The following SMARCD2 variants were observed in gnomAD, a reference collection of about 807,000 sequenced individuals.
SMARCD2 encodes SWI/SNF related BAF chromatin remodeling complex subunit D2, also known as SWI/SNF-related matrix-associated actin-dependent regulator of chromatin subfamily D member 2.
In SMARCD2, 39 loss-of-function variants were observed where a neutral mutation model predicts 70.4. That is an observed-to-expected ratio of 0.55 (90% CI 0.43 to 0.72). The LOEUF is 0.72. Among genes scored for constraint, SMARCD2 ranks in the 30% least tolerant of loss-of-function variants. The pLI, the probability that SMARCD2 is intolerant of heterozygous loss-of-function variation, is 0.00. For missense variants in SMARCD2, 540 were observed against 713.4 expected (o/e 0.76, Z 2.77); for synonymous variants, 249 against 279.4 (o/e 0.89, Z 1.08).
rs1392442807 is a variant in SMARCD2, at chr17:63,833,332, T to C, written c.1406A>G (p.Gln469Arg). 6.2e-7 allele frequency: 1 copy of C among 1,613,880 alleles called. No individual in the cohort carries two copies. Among genetic ancestry groups the C allele is most frequent in the South Asian group, 1.1e-5 (1 of 91,076 alleles). ...SFSTDPQDFI[Q>R]EWLRSQRRDL... ...TCGGCGCTGGGAACGGAGCCATTCC[T>C]GGATGAAGTCCTGGGGGTCGGTGCT... The change falls in exon 11 of 13, where the codon CAG becomes CGG. Residue 469 changes from glutamine to arginine, a missense_variant. Transcript: ENST00000448276. The surrounding 1 kb of genome is among the most constrained non-coding windows in gnomAD (Gnocchi z 4.3).
chr17:63,840,995 G>C (rs185984132), intron 1 of SMARCD2, among the ~76,000 whole-genome samples: 1 of 152,374 alleles, frequency 6.6e-6, no homozygotes, highest in East Asian at 1.9e-4. Context: ...AAGGAAACTG[G>C]AGCGGCTTGT....
In SMARCD2 at chr17:63,832,840, C is replaced by T; in HGVS notation, c.*98G>A. The T allele has an allele frequency of 1.0e-6, 1 of 970,048 alleles. No individual in the cohort carries two copies. Among genetic ancestry groups the T allele is most frequent in the Non-Finnish European group, 1.6e-6 (1 of 619,234 alleles). 60.1% of individuals were successfully genotyped at this position (970,048 alleles called of 1,614,324 possible). A position where few individuals can be genotyped will look rare whatever the true frequency, so the allele number is the denominator to read the frequency against. On this transcript the variant is annotated 3_prime_UTR_variant, in exon 13 of 13. Transcript: ENST00000448276. ...CTGGAGAGTAGAGGGTGACAGCAGACACTCCTCACCCCAGCCTACGTGTCT... is the reference window on the plus strand; with the variant it reads ...CTGGAGAGTAGAGGGTGACAGCAGATACTCCTCACCCCAGCCTACGTGTCT...
At chr17:63,836,837 G>A (rs2040272002) in intron 4 of SMARCD2, 85 bp downstream of exon 4, 1 of 1,419,768 alleles carries the variant, frequency 7.0e-7, no homozygotes, top group Non-Finnish European at 9.8e-7. Context: ...CCCGGCTCTA[G>A]CCCAACTTGC....
chr17:63,839,646 C>T (rs1226154642), intron 1 of SMARCD2, among the ~76,000 whole-genome samples: 1 of 151,786 alleles, frequency 6.6e-6, no homozygotes, highest in Non-Finnish European at 1.5e-5. Flanking sequence ...GTCCAGCACT[C>T]TGAGCCTCCC....
In SMARCD2 at chr17:63,834,989, C is replaced by T. The variant is rs531300479; in HGVS notation, c.724-189G>A. 13 of 593,238 alleles carry T rather than the reference C, an allele frequency of 2.2e-5. No homozygotes were observed. Among genetic ancestry groups the T allele is most frequent in the African/African-American group, 1.3e-4 (7 of 53,834 alleles). 36.7% of individuals were successfully genotyped at this position (593,238 alleles called of 1,614,324 possible). On this transcript the variant is annotated intron_variant, in intron 5 of 12. Coordinates refer to ENST00000448276, the MANE Select transcript of SMARCD2 (RefSeq NM_001098426.2). The surrounding 1 kb of genome is among the most constrained non-coding windows in gnomAD (Gnocchi z 5.6). ...GGAAATGGTGCCCTCTTGCAGCCCA[C>T]GAGGGACTTCCTCGAGACACTCGAC...
intron 1 of SMARCD2, among the ~76,000 whole-genome samples, chr17:63,838,115 C>T (rs1598359842): frequency 6.6e-6 from 1 of 152,090 alleles, no homozygotes; most frequent in African/African-American, 2.4e-5. Context: ...AGGCCAATGG[C>T]GCAGAGCCCC....
chr17:63,837,270 A>G lies in SMARCD2; in HGVS notation c.402-33T>C, dbSNP rs563479671. 2.5e-5 allele frequency: 41 copies of G among 1,610,178 alleles called. No individual in the cohort carries two copies. The Admixed American group carries it at 3.7e-4, about 14-fold the overall frequency. On this transcript the variant is annotated intron_variant, in intron 2 of 12. Coordinates refer to ENST00000448276, the MANE Select transcript of SMARCD2 (RefSeq NM_001098426.2). This position sits in a 1 kb window ranked among gnomAD's most constrained non-coding sequence, Gnocchi z 6.4. ...GGACAGAAACCCACTTAAGAGGTCA[A>G]TGGTCCAAAAAAGGACACTCACTCC...
rs2040278633 is a variant in SMARCD2 at position 63,837,359 on chromosome 17, C to T, written c.401+82G>A. The T allele has an allele frequency of 3.3e-6, 5 of 1,537,452 alleles. No individual in the cohort carries two copies. The Admixed American group carries it at 5.1e-5, about 16-fold the overall frequency. On this transcript the variant is annotated intron_variant, in intron 2 of 12. Transcript: ENST00000448276. This position sits in a 1 kb window ranked among gnomAD's most constrained non-coding sequence, Gnocchi z 6.4. ...GAGAGCCTGGAGTCATCCTCAGTCACCAAAGCTCTTAAGATAGAAGGAAAC... is the reference window on the plus strand; with the variant it reads ...GAGAGCCTGGAGTCATCCTCAGTCATCAAAGCTCTTAAGATAGAAGGAAAC...
At chr17:63,839,813 C>A (rs181086251) in intron 1 of SMARCD2, among the ~76,000 whole-genome samples, 1 of 152,278 alleles carries the variant, frequency 6.6e-6, no homozygotes, top group Admixed American at 6.5e-5. Flanking sequence ...GGGGAACATA[C>A]CACCCACTCT....
In SMARCD2 at chr17:63,834,902, G is replaced by A. The variant is rs1802392052; in HGVS notation, c.724-102C>T. The A allele has an allele frequency of 2.6e-6, 2 of 778,162 alleles. No homozygotes were observed. Among genetic ancestry groups the A allele is most frequent in the South Asian group, 1.6e-5 (1 of 62,946 alleles). The allele number at this position is 778,162 out of a possible 1,614,324, so 48.2% of individuals were successfully genotyped here. A position where few individuals can be genotyped will look rare whatever the true frequency, so the allele number is the denominator to read the frequency against. On this transcript the variant is annotated intron_variant, in intron 5 of 12. Coordinates refer to ENST00000448276, the MANE Select transcript of SMARCD2 (RefSeq NM_001098426.2). The surrounding 1 kb of genome is among the most constrained non-coding windows in gnomAD (Gnocchi z 5.6). Reference sequence around the variant, plus strand: ...AGCCCCATTTCAGCCCTGGAGCTCCGGATACTGAAGATTCCTGGGCCCTGA... The same window carrying A: ...AGCCCCATTTCAGCCCTGGAGCTCCAGATACTGAAGATTCCTGGGCCCTGA...
Position 63,833,875 on chromosome 17 carries a change from A to G in SMARCD2, c.1181+34T>C. 6.4e-7 allele frequency: 1 copy of G among 1,557,196 alleles called. No individual in the cohort carries two copies. Among genetic ancestry groups the G allele is most frequent in the South Asian group, 1.1e-5 (1 of 89,866 alleles). On this transcript the variant is annotated intron_variant, in intron 9 of 12. Coordinates refer to ENST00000448276, the MANE Select transcript of SMARCD2 (RefSeq NM_001098426.2). The surrounding 1 kb of genome is among the most constrained non-coding windows in gnomAD (Gnocchi z 4.3). ...TCAAGCCAAGGGTGAATCTGCTCTT[A>G]GAAGAGCCTTCCTGTCCCCCTCCTT...
intron 1 of SMARCD2, among the ~76,000 whole-genome samples, chr17:63,838,240 C>T (rs373794763): frequency 6.6e-6 from 1 of 151,914 alleles, no homozygotes; most frequent in Non-Finnish European, 1.5e-5. Context: ...GGGGTGGCCT[C>T]GGGCAGGGTA....
chr17:63,835,543 T>C lies in SMARCD2; in HGVS notation c.592A>G (p.Ile198Val), dbSNP rs753806790. Reference protein sequence around the residue: ...LTQKRKLRIYISNTFSPSKAE... With the variant: ...LTQKRKLRIYVSNTFSPSKAE... ...TTGCTGGGACTGAACGTATTGGAAA[T>C]GTAGATCCGAAGCTTTCGCTTTTGC... Residue 198 changes from isoleucine to valine, a missense_variant, in exon 5 of 13, where the codon ATT becomes GTT. Ile to Val is a conservative substitution (Grantham distance 29). Transcript: ENST00000448276. 5 of 1,613,982 alleles carry C rather than the reference T, an allele frequency of 3.1e-6. No individual in the cohort carries two copies. The highest frequency in any genetic ancestry group is 1.6e-4 in the Middle Eastern group (1 of 6,062).
rs767963760 is a variant in SMARCD2, at chr17:63,833,280, CG to C, written c.1440+17del. 11 of 1,613,730 alleles carry C rather than the reference CG, an allele frequency of 6.8e-6. No individual in the cohort carries two copies. The highest frequency in any genetic ancestry group is 1.3e-5 in the African/African-American group (1 of 74,912). ...CCAGAGCTTTACATAGGAGTCCCCT[CG>C]GGAAAGAGGACTACACCTTGAGGTC... On this transcript the variant is annotated intron_variant, in intron 11 of 12. Coordinates refer to ENST00000448276, the MANE Select transcript of SMARCD2 (RefSeq NM_001098426.2). The surrounding 1 kb of genome is among the most constrained non-coding windows in gnomAD (Gnocchi z 4.3).
intron 5 of SMARCD2, chr17:63,835,106 G>A: frequency 1.9e-6 from 1 of 531,578 alleles, no homozygotes. Flanking sequence ...ACTTCTCTGG[G>A]AGCGCCCAAG....
At chr17:63,836,117 A>G (rs2040262227) in intron 4 of SMARCD2, among the ~76,000 whole-genome samples, 1 of 152,164 alleles carries the variant, frequency 6.6e-6, no homozygotes, top group Non-Finnish European at 1.5e-5. Flanking sequence ...AGTAACACGC[A>G]GCCAGTCTCT....
intron 1 of SMARCD2, among the ~76,000 whole-genome samples, chr17:63,841,351 T>C (rs1162730905): frequency 1.2e-4 from 18 of 152,248 alleles, no homozygotes; most frequent in Admixed American, 1.2e-3. Context: ...CGAGGATCCC[T>C]AAGGACCTCT....
Position 63,834,920 on chromosome 17 carries a change from G to T in SMARCD2, c.724-120C>A. 1.4e-6 allele frequency: 1 copy of T among 714,154 alleles called. No individual in the cohort carries two copies. The allele number at this position is 714,154 out of a possible 1,614,324, so 44.2% of individuals were successfully genotyped here. A position where few individuals can be genotyped will look rare whatever the true frequency, so the allele number is the denominator to read the frequency against. ...GAGCTCCGGATACTGAAGATTCCTG[G>T]GCCCTGAAGGATGGAAGCAGGACTC... On this transcript the variant is annotated intron_variant, in intron 5 of 12. Transcript: ENST00000448276. This position sits in a 1 kb window ranked among gnomAD's most constrained non-coding sequence, Gnocchi z 5.6.
At chr17:63,835,734 C>T (rs1485428709) in intron 4 of SMARCD2, 167 bp from the exon 5 acceptor site, 1 of 459,062 alleles carries the variant, frequency 2.2e-6, no homozygotes, top group Non-Finnish European at 3.8e-6. Context: ...CAGTCCCAGC[C>T]TTTTTTTTTT....
Sources: gnomAD v4.1 joint callset for allele counts (sites outside exome capture counted in the v4.1 genomes callset) on GRCh38, gnomAD v4.1.1 for gene constraint, Gnocchi (gnomAD v3.1) non-coding constraint, MANE v1.5 for transcripts, NCBI Gene and HGNC (gene_info 2026-07-23, HGNC 2026-07-21) for gene names.